Variants in FARP2 observed in about 807,000 individuals in gnomAD.
The protein encoded by FARP2 is FERM, ARH/RhoGEF and pleckstrin domain protein 2.
In FARP2, 111 loss-of-function variants were observed where a neutral mutation model predicts 130.5. The ratio of observed to expected loss-of-function variants is 0.85; its 90% CI spans 0.73 to 1.00. The LOEUF is 1.00. Among genes scored for constraint, FARP2 ranks in the 50% least tolerant of loss-of-function variants. The pLI is 0.00. For missense variants in FARP2, 1,385 were observed against 1,346.3 expected, an observed-to-expected ratio of 1.03 and a Z score of -0.45; for synonymous variants, 504 against 516.9, an observed-to-expected ratio of 0.98 and a Z score of 0.34.
Position 241,462,609 on chromosome 2 carries a change from C to T in FARP2, c.1674C>T (p.Thr558=), listed in dbSNP as rs10208919. ...ACCTCAAGGATTTAGAAGTTATTAC[C>T]GTGGTACGAAAGTCCTTGATTACTT... is the stretch of plus-strand genomic sequence containing the variant. ...RTYLKDLEVI[T]VWFRSAVVKE... is the part of the protein sequence containing the mutation. Residue 558 remains threonine (T), a synonymous_variant, in exon 15 of 27, where the codon ACC becomes ACT. Coordinates refer to ENST00000264042, the MANE Select transcript of FARP2 (RefSeq NM_014808.4). 9,591 of 1,599,512 alleles carry T rather than the reference C, an allele frequency of 6.0e-3. 422 individuals are homozygous for T. In the African/African-American group the frequency reaches 0.1, roughly 17 times the overall value.
intron 14 of FARP2, among the ~76,000 whole-genome samples, chr2:241,461,728 C>CCA (rs920992835): frequency 2.0e-5 from 3 of 152,344 alleles, no homozygotes; most frequent in African/African-American, 7.2e-5. Flanking sequence ...CTGAAGCTGG[C>CCA]CACAGTCTGG....
In FARP2 at chr2:241,436,637, A is replaced by T. The variant is rs373507476; in HGVS notation, c.1158+99A>T. The T allele has an allele frequency of 1.5e-4, 146 of 961,374 alleles. 1 individual carries two copies. The African/African-American group carries it at 2.1e-3, about 14-fold the overall frequency. The allele number at this position is 961,374 out of a possible 1,614,324, so 59.6% of individuals were successfully genotyped here. A position where few individuals can be genotyped will look rare whatever the true frequency, so the allele number is the denominator to read the frequency against. On this transcript the variant is annotated intron_variant, in intron 12 of 26. Transcript: ENST00000264042. ...TGTAACAAGAGTCTTAAAATTAATCATATTATTTAATGCAGCAATTGTAAT... is the reference window on the plus strand; with the variant it reads ...TGTAACAAGAGTCTTAAAATTAATCTTATTATTTAATGCAGCAATTGTAAT...
At chr2:241,389,336 G>A (rs1014203487) in intron 2 of FARP2, among the ~76,000 whole-genome samples, 2 of 152,142 alleles carry the variant, frequency 1.3e-5, no homozygotes, top group African/African-American at 4.8e-5. Context: ...AAAAAAAGAA[G>A]AAGAGACATA....
At chr2:241,389,761 T>G (rs905486201) in intron 2 of FARP2, among the ~76,000 whole-genome samples, 5 of 152,204 alleles carry the variant, frequency 3.3e-5, no homozygotes, top group Non-Finnish European at 5.9e-5. Context: ...TCTGTTTCTT[T>G]TTTATCTTGA....
chr2:241,392,067 G>T (rs754515724), intron 2 of FARP2, among the ~76,000 whole-genome samples: 3 of 152,182 alleles, frequency 2.0e-5, no homozygotes. Flanking sequence ...GCCTTCTCTC[G>T]CAAGGCTGAG....
rs774033067 is a variant in FARP2, at chr2:241,491,197, C to T, written c.2623+18C>T. The T allele has an allele frequency of 1.3e-6, 2 of 1,564,636 alleles. No homozygotes were observed. Among genetic ancestry groups the T allele is most frequent in the Non-Finnish European group, 1.8e-6 (2 of 1,135,788 alleles). ...TCCCCCCAGTGAGTGCTGGCCACAACCCCCCAGGAGACCTCCACTACACCT... is the reference window on the plus strand; with the variant it reads ...TCCCCCCAGTGAGTGCTGGCCACAATCCCCCAGGAGACCTCCACTACACCT... On this transcript the variant is annotated intron_variant, in intron 23 of 26. Coordinates refer to ENST00000264042, the MANE Select transcript of FARP2 (RefSeq NM_014808.4).
intron 13 of FARP2, chr2:241,444,627 TG>T (rs1162886581): frequency 6.6e-6 from 1 of 152,174 alleles, no homozygotes; most frequent in Admixed American, 6.6e-5. Context: ...AGTGGGATCA[TG>T]CCCCTACCCC....
intron 7 of FARP2, among the ~76,000 whole-genome samples, chr2:241,416,549 A>G (rs969456921): frequency 6.6e-6 from 1 of 152,182 alleles, no homozygotes; most frequent in South Asian, 2.1e-4. Flanking sequence ...TCAGTGATCC[A>G]CTGAAAACAC....
intron 2 of FARP2, among the ~76,000 whole-genome samples, chr2:241,400,194 C>A (rs1345610937): frequency 6.6e-6 from 1 of 151,674 alleles, no homozygotes; most frequent in African/African-American, 2.4e-5. Context: ...CCCTGACCTC[C>A]CCATTGACTC....
chr2:241,411,046 T>C lies in FARP2; in HGVS notation c.424T>C (p.Leu142=). Residue 142 remains leucine (L), a synonymous_variant, in exon 6 of 27, where the codon TTG becomes CTG. Transcript: ENST00000264042. ...ACTCTCTTCTAGATACTTGTTTGCC[T>C]TGCAACTTAAGAGAGACCTGCTGGA... ...QEEYTRYLFA[L]QLKRDLLEER... 6.2e-7 allele frequency: 1 copy of C among 1,609,558 alleles called. No individual in the cohort carries two copies. Among genetic ancestry groups the C allele is most frequent in the Non-Finnish European group, 8.5e-7 (1 of 1,177,262 alleles).
intron 8 of FARP2, among the ~76,000 whole-genome samples, chr2:241,430,637 C>T (rs898637110): frequency 2.6e-5 from 4 of 152,168 alleles, no homozygotes; most frequent in Non-Finnish European, 5.9e-5. Flanking sequence ...CCAGACCACC[C>T]TCCTTGCAGG....
intron 18 of FARP2, among the ~76,000 whole-genome samples, chr2:241,471,586 T>C (rs904614709): frequency 6.3e-5 from 9 of 142,884 alleles, no homozygotes; most frequent in African/African-American, 1.8e-4. Flanking sequence ...CTCCGCCTCC[T>C]GGGTTCATGC....
chr2:241,423,722 C>A (rs1478217739), intron 8 of FARP2, among the ~76,000 whole-genome samples: 1 of 152,122 alleles, frequency 6.6e-6, no homozygotes, highest in Non-Finnish European at 1.5e-5. Context: ...AGACCTGTCT[C>A]ACGTGCAAAG....
At position 241,397,432 on chromosome 2, in the gene FARP2, ATAACT is replaced by A. The variant is rs1293651547; in HGVS notation, c.184-6389_184-6385del. 3.3e-5 allele frequency among the ~76,000 whole-genome samples: 5 copies of A among 152,198 alleles called. No homozygotes were observed. The East Asian group carries it at 9.6e-4, about 29-fold the overall frequency. On this transcript the variant is annotated intron_variant, in intron 2 of 26. Coordinates refer to ENST00000264042, the MANE Select transcript of FARP2 (RefSeq NM_014808.4). ...TGAAGTATAAAGTTTTGTTCTCTGA[ATAACT>A]TAACTTGCATACAGTGATCTATGTT...
At chr2:241,434,900 T>G in intron 10 of FARP2, 62 bp from the exon 11 acceptor site, 1 of 998,830 alleles carries the variant, frequency 1.0e-6, no homozygotes, top group Non-Finnish European at 1.6e-6. Flanking sequence ...TTTTGTCTTT[T>G]ACTCTGAAAA....
chr2:241,483,944 T>G (rs1359514561), intron 20 of FARP2: 8 of 1,294,740 alleles, frequency 6.2e-6, no homozygotes, highest in African/African-American at 3.0e-5. Context: ...GGTTCCAGCC[T>G]GAAACATGTG....
intron 1 of FARP2, among the ~76,000 whole-genome samples, chr2:241,364,165 G>C (rs1002147523): frequency 2.0e-5 from 3 of 152,234 alleles, no homozygotes; most frequent in African/African-American, 7.2e-5. Context: ...TCTTCCTCCA[G>C]CTGGTAGCAG....
At chr2:241,376,182 C>G (rs993365766) in intron 2 of FARP2, among the ~76,000 whole-genome samples, 7 of 152,166 alleles carry the variant, frequency 4.6e-5, no homozygotes, top group Non-Finnish European at 2.9e-5. Flanking sequence ...CTCATTCTCC[C>G]TCCAGCCCAC....
intron 13 of FARP2, among the ~76,000 whole-genome samples, chr2:241,454,600 A>G (rs1380563072): frequency 6.6e-6 from 1 of 152,244 alleles, no homozygotes; most frequent in Non-Finnish European, 1.5e-5. Context: ...AGGGGCTAGC[A>G]CAAAGCCACA....
Sources: gnomAD v4.1 joint callset for allele counts (sites outside exome capture counted in the v4.1 genomes callset) on GRCh38, gnomAD v4.1.1 for gene constraint, MANE v1.5 for transcripts, NCBI Gene and HGNC (gene_info 2026-07-23, HGNC 2026-07-21) for gene names.